Variants in PTCHD4 observed in about 807,000 individuals in gnomAD.
PTCHD4 encodes the protein patched domain-containing protein 4.
A neutral mutation model predicts 58.1 loss-of-function variants in PTCHD4; 33 were observed. That is an observed-to-expected ratio of 0.57 (90% CI 0.43 to 0.76). PTCHD4 has a LOEUF of 0.76. PTCHD4 is among the 30% of genes least tolerant of loss of function. The pLI is 0.00. For synonymous variants in PTCHD4, 478 were observed against 409.6 expected, an observed-to-expected ratio of 1.17 and a Z score of -2.02; for missense variants, 1,058 against 1,027.1, an observed-to-expected ratio of 1.03 and a Z score of -0.41.
rs1561929286 is a variant in PTCHD4, at chr6:47,870,146, G to C, written c.*8157C>G. Among the ~76,000 whole-genome samples, 1 of 151,630 alleles carries C rather than the reference G, an allele frequency of 6.6e-6. No homozygotes were observed. The highest frequency in any genetic ancestry group is 1.9e-4 in the East Asian group (1 of 5,148). On this transcript the variant is annotated 3_prime_UTR_variant, in exon 5 of 5. Transcript: ENST00000339488. ...TTTTGTTGTTAAAATAAAAAGTTGA[G>C]ATAGCCAGAAATGCTGTTTAACTTT... is the stretch of plus-strand genomic sequence containing the variant.
chr6:48,039,011 G>A (rs1259910891), intron 3 of PTCHD4, among the ~76,000 whole-genome samples: 2 of 152,162 alleles, frequency 1.3e-5, no homozygotes, highest in Non-Finnish European at 2.9e-5. Context: ...AGGTAAAAAT[G>A]CAGAGACTCC....
At chr6:47,929,765 A>T (rs1173822489) in intron 4 of PTCHD4, among the ~76,000 whole-genome samples, 1 of 152,212 alleles carries the variant, frequency 6.6e-6, no homozygotes, top group Non-Finnish European at 1.5e-5. Context: ...GTGTGCCAAC[A>T]CAAGCCATCC....
At chr6:47,993,515 A>G (rs972664604) in intron 4 of PTCHD4, among the ~76,000 whole-genome samples, 1 of 152,154 alleles carries the variant, frequency 6.6e-6, no homozygotes, top group Admixed American at 6.5e-5. Flanking sequence ...TATATTAAGG[A>G]CTTTGTGAAC....
chr6:48,038,026 T>A (rs111250074), intron 3 of PTCHD4, among the ~76,000 whole-genome samples: 117 of 151,994 alleles, frequency 7.7e-4, no homozygotes, highest in African/African-American at 2.6e-3. Context: ...CCTAGTAATG[T>A]CACTCTCGGT....
At chr6:48,100,268 T>G (rs527503311) in intron 1 of PTCHD4, among the ~76,000 whole-genome samples, 2 of 152,294 alleles carry the variant, frequency 1.3e-5, no homozygotes, top group South Asian at 4.1e-4. Context: ...GTATTAAATT[T>G]TAATGTAAGT....
chr6:48,104,600 A>G (rs1375045954), intron 1 of PTCHD4, among the ~76,000 whole-genome samples: 1 of 152,210 alleles, frequency 6.6e-6, no homozygotes, highest in Non-Finnish European at 1.5e-5. Flanking sequence ...CACACATAAC[A>G]ATACTAACCT....
At chr6:48,019,660 C>T (rs1351231528) in intron 3 of PTCHD4, among the ~76,000 whole-genome samples, 2 of 151,470 alleles carry the variant, frequency 1.3e-5, no homozygotes, top group African/African-American at 2.4e-5. Flanking sequence ...GGCGTTAACC[C>T]GGCAGGCGGA....
intron 3 of PTCHD4, among the ~76,000 whole-genome samples, chr6:48,030,652 C>G (rs1763400635): frequency 6.6e-6 from 1 of 152,084 alleles, no homozygotes; most frequent in African/African-American, 2.4e-5. Flanking sequence ...CTGAACAATT[C>G]AAACTGCAAG....
intron 4 of PTCHD4, among the ~76,000 whole-genome samples, chr6:47,952,779 T>G (rs917865064): frequency 6.6e-6 from 1 of 152,054 alleles, no homozygotes; most frequent in Non-Finnish European, 1.5e-5. Context: ...CATTTCAGTT[T>G]GTGTAAGTGC....
At chr6:47,942,438 T>G (rs550347782) in intron 4 of PTCHD4, among the ~76,000 whole-genome samples, 3 of 152,118 alleles carry the variant, frequency 2.0e-5, no homozygotes, top group Admixed American at 6.5e-5. Context: ...AAAACACAAT[T>G]AAAAAAATAA....
intron 1 of PTCHD4, among the ~76,000 whole-genome samples, chr6:48,101,035 G>A (rs1765592732): frequency 6.6e-6 from 1 of 151,398 alleles, no homozygotes; most frequent in Admixed American, 6.6e-5. Flanking sequence ...AGATAACATT[G>A]GATTGAATTT....
intron 4 of PTCHD4, among the ~76,000 whole-genome samples, chr6:47,979,894 G>C (rs959469501): frequency 2.0e-5 from 3 of 151,836 alleles, no homozygotes; most frequent in African/African-American, 7.3e-5. Flanking sequence ...CTGTATTTTT[G>C]ATGGCCATAG....
chr6:48,091,001 A>T (rs1765356199), intron 1 of PTCHD4, among the ~76,000 whole-genome samples: 1 of 152,176 alleles, frequency 6.6e-6, no homozygotes, highest in South Asian at 2.1e-4. Context: ...TTATTTGAAA[A>T]TTTTATTTGA....
At chr6:48,060,522 G>T (rs552852050) in intron 3 of PTCHD4, among the ~76,000 whole-genome samples, 2 of 152,192 alleles carry the variant, frequency 1.3e-5, no homozygotes, top group South Asian at 2.1e-4. Context: ...TTTCGTCCAG[G>T]CTATACAGTG....
chr6:47,861,009 G>T lies in PTCHD4; in HGVS notation c.*17294C>A, dbSNP rs1241933386. On this transcript the variant is annotated 3_prime_UTR_variant, in exon 5 of 5. Transcript: ENST00000339488. ...AATGAAGAAGATAGAAAGTGCCCCT[G>T]GATGCCTCTCTAATCATTATTTTAG... Among the ~76,000 whole-genome samples, 3 of 151,864 alleles carry T rather than the reference G, an allele frequency of 2.0e-5. No homozygotes were observed. Among genetic ancestry groups the T allele is most frequent in the Non-Finnish European group, 4.4e-5 (3 of 67,914 alleles).
At chr6:48,039,015 A>G (rs899641163) in intron 3 of PTCHD4, among the ~76,000 whole-genome samples, 2 of 152,194 alleles carry the variant, frequency 1.3e-5, no homozygotes, top group South Asian at 2.1e-4. Context: ...AAAAATGCAG[A>G]GACTCCATGA....
intron 4 of PTCHD4, among the ~76,000 whole-genome samples, chr6:47,994,143 C>A (rs2114042405): frequency 6.6e-6 from 1 of 152,186 alleles, no homozygotes; most frequent in East Asian, 1.9e-4. Context: ...CCAAACCCAA[C>A]CAAAAGCCAG....
chr6:48,080,342 A>C (rs1490046553), intron 1 of PTCHD4, among the ~76,000 whole-genome samples: 4 of 152,196 alleles, frequency 2.6e-5, no homozygotes, highest in African/African-American at 7.2e-5. Context: ...TCTCCAGAAA[A>C]CATATAGACT....
chr6:48,087,549 A>T (rs1484451662), intron 1 of PTCHD4, among the ~76,000 whole-genome samples: 1 of 152,198 alleles, frequency 6.6e-6, no homozygotes, highest in Non-Finnish European at 1.5e-5. Flanking sequence ...GTCTTATTTA[A>T]TCTTCAAAAT....
Sources: gnomAD v4.1 joint callset for allele counts (sites outside exome capture counted in the v4.1 genomes callset) on GRCh38, gnomAD v4.1.1 for gene constraint, MANE v1.5 for transcripts, NCBI Gene and HGNC (gene_info 2026-07-23, HGNC 2026-07-21) for gene names.